Variants in CASR observed in about 807,000 individuals in gnomAD.
CASR encodes calcium sensing receptor.
CASR carries 23 observed loss-of-function variants against 69.1 expected under a neutral mutation model. The observed-to-expected ratio is 0.33, with a 90% CI of 0.24 to 0.47. CASR has a LOEUF of 0.47. CASR is among the 20% of genes least tolerant of loss of function. The probability of loss-of-function intolerance (pLI) is 1.00; values close to 1 mark genes in which losing one functional copy is unlikely to be tolerated. For missense variants in CASR, 924 were observed against 1,356.1 expected, an observed-to-expected ratio of 0.68 and a Z score of 5.00; for synonymous variants, 541 against 544.7, an observed-to-expected ratio of 0.99 and a Z score of 0.10.
At chr3:122,250,747 A>G (rs1037432893) in intron 1 of CASR, among the ~76,000 whole-genome samples, 3 of 152,204 alleles carry the variant, frequency 2.0e-5, no homozygotes, top group Admixed American at 1.3e-4. Flanking sequence ...TAATGCTTTT[A>G]TTCGATAAAC....
At chr3:122,270,880 T>G (rs1240825211) in intron 4 of CASR, among the ~76,000 whole-genome samples, 1 of 152,214 alleles carries the variant, frequency 6.6e-6, no homozygotes. Flanking sequence ...TTTTAATATT[T>G]TTAAATTTAT....
At chr3:122,241,859 G>A (rs2074382158) in intron 1 of CASR, among the ~76,000 whole-genome samples, 4 of 152,080 alleles carry the variant, frequency 2.6e-5, no homozygotes. Flanking sequence ...TCCTGTGGAC[G>A]CAAGGATAGT....
In CASR at chr3:122,275,792, C is replaced by A; in HGVS notation, c.1378-20C>A. The A allele has an allele frequency of 6.5e-7, 1 of 1,535,372 alleles. No homozygotes were observed. Among genetic ancestry groups the A allele is most frequent in the South Asian group, 1.1e-5 (1 of 89,448 alleles). On this transcript the variant is annotated intron_variant, in intron 4 of 6. Transcript: ENST00000639785. ...ATGTGGCAGCCCTGGGGCTTGTACT[C>A]ATTCTTTGCTCCTCTTTAGGTCCTG...
chr3:122,266,426 T>G (rs913630556), intron 4 of CASR, among the ~76,000 whole-genome samples: 2 of 151,984 alleles, frequency 1.3e-5, no homozygotes, highest in African/African-American at 4.8e-5. Flanking sequence ...GATCTTTTTG[T>G]TTGTTTGTGT....
At chr3:122,209,258 C>T (rs1576823679) in intron 1 of CASR, among the ~76,000 whole-genome samples, 1 of 152,102 alleles carries the variant, frequency 6.6e-6, no homozygotes, top group East Asian at 1.9e-4. Context: ...TAAAAAAAAG[C>T]CCAGGACCAG....
intron 1 of CASR, among the ~76,000 whole-genome samples, chr3:122,249,805 A>G (rs1453315619): frequency 1.3e-5 from 2 of 152,274 alleles, no homozygotes; most frequent in Admixed American, 1.3e-4. Context: ...TTTGCTAGAT[A>G]CTGTTGGAGA....
rs1438055767 is a variant in CASR at position 122,275,937 on chromosome 3, C to A, written c.1503C>A (p.Gly501=). Residue 501 remains glycine, a synonymous_variant, in exon 5 of 7, where the codon GGC becomes GGA. Transcript: ENST00000639785. ...IINWHLSPED[G]SIVFKEVGYY... is the part of the protein sequence containing the mutation. ...ACTGGCACCTCTCCCCAGAGGATGG[C>A]TCCATCGTGTTTAAGGAAGTCGGGT... 1 of 1,613,878 alleles carries A rather than the reference C, an allele frequency of 6.2e-7. No individual in the cohort carries two copies. Among genetic ancestry groups the A allele is most frequent in the Non-Finnish European group, 8.5e-7 (1 of 1,179,844 alleles).
In CASR at chr3:122,282,242, G is replaced by A; in HGVS notation, c.1732+6G>A. 6.2e-7 allele frequency: 1 copy of A among 1,614,056 alleles called. No homozygotes were observed. On this transcript the variant is annotated splice_donor_region_variant and intron_variant, in intron 6 of 6. Transcript: ENST00000639785. ...GGAGTATAGTGATGAGACAGGTAAGGGAACCCCTCTTGGGCACTGTGCAGG... is the reference window on the plus strand; with the variant it reads ...GGAGTATAGTGATGAGACAGGTAAGAGAACCCCTCTTGGGCACTGTGCAGG...
intron 1 of CASR, among the ~76,000 whole-genome samples, chr3:122,242,622 G>T (rs1412891489): frequency 6.6e-6 from 1 of 151,978 alleles, no homozygotes; most frequent in African/African-American, 2.4e-5. Context: ...AAGATTTAAG[G>T]CAACTCCTAT....
intron 4 of CASR, among the ~76,000 whole-genome samples, chr3:122,271,949 GAT>G: frequency 1.3e-5 from 2 of 152,070 alleles, no homozygotes; most frequent in African/African-American, 4.8e-5. Context: ...CCATTGTGTG[GAT>G]ATACCACATT....
intron 1 of CASR, among the ~76,000 whole-genome samples, chr3:122,214,303 A>C (rs1474354522): frequency 7.0e-6 from 1 of 142,002 alleles, no homozygotes; most frequent in Non-Finnish European, 1.5e-5. Context: ...CTTTTAAAAT[A>C]TGCCACAGTG....
In CASR at chr3:122,254,139, C is replaced by T. The variant is rs763383822; in HGVS notation, c.-51C>T. On this transcript the variant is annotated 5_prime_UTR_variant, in exon 2 of 7. Coordinates refer to ENST00000639785, the MANE Select transcript of CASR (RefSeq NM_000388.4). ...GCTCCAAGGGAGAAACTTCTGGGAG[C>T]CTCCAAACTCCTAGCTGTCTCATCC... is the stretch of plus-strand genomic sequence containing the variant. The T allele has an allele frequency of 1.3e-6, 2 of 1,578,428 alleles. No individual in the cohort carries two copies. Among genetic ancestry groups the T allele is most frequent in the South Asian group, 2.2e-5 (2 of 90,242 alleles).
intron 1 of CASR, among the ~76,000 whole-genome samples, chr3:122,207,691 A>G (rs888510064): frequency 6.6e-6 from 1 of 152,192 alleles, no homozygotes; most frequent in African/African-American, 2.4e-5. Context: ...AAGGAGGTTC[A>G]TAGCAATAAA....
chr3:122,264,082 G>T (rs956355051), intron 4 of CASR, among the ~76,000 whole-genome samples: 4 of 144,478 alleles, frequency 2.8e-5, no homozygotes, highest in African/African-American at 1.0e-4. Flanking sequence ...AAATACAGAT[G>T]GTCAAGACCA....
At chr3:122,276,144 AAG>A (rs1034006357) in intron 5 of CASR, 102 bp downstream of exon 5, 2 of 771,534 alleles carry the variant, frequency 2.6e-6, no homozygotes, top group Non-Finnish European at 2.3e-6. Context: ...TTCCAAAATA[AAG>A]AGTCCACTTC....
chr3:122,279,372 A>G (rs2074860439), intron 5 of CASR, among the ~76,000 whole-genome samples: 1 of 152,232 alleles, frequency 6.6e-6, no homozygotes, highest in African/African-American at 2.4e-5. Context: ...TGATGATAAT[A>G]TAATCTTGAT....
intron 5 of CASR, among the ~76,000 whole-genome samples, chr3:122,280,063 T>G (rs1468251698): frequency 6.6e-6 from 1 of 152,070 alleles, no homozygotes; most frequent in Non-Finnish European, 1.5e-5. Flanking sequence ...GGTTTTCTGT[T>G]CCTGCAAAAC....
At chr3:122,282,387 A>G (rs2074902783) in intron 6 of CASR, 151 bp downstream of exon 6, 2 of 776,482 alleles carry the variant, frequency 2.6e-6, no homozygotes, top group East Asian at 2.6e-5. Flanking sequence ...AATGTTGGGC[A>G]TGGAGGTGGA....
chr3:122,227,755 G>T (rs1165154859), intron 1 of CASR, among the ~76,000 whole-genome samples: 2 of 152,068 alleles, frequency 1.3e-5, no homozygotes, highest in Non-Finnish European at 2.9e-5. Context: ...GAGCACTGGG[G>T]TTGAAAGCTG....
Sources: allele counts gnomAD v4.1 joint callset (sites outside exome capture counted in the v4.1 genomes callset), GRCh38; gene constraint gnomAD v4.1.1; transcripts MANE v1.5; gene names NCBI Gene and HGNC (gene_info 2026-07-23, HGNC 2026-07-21).